The following GRIK3 variants were observed in gnomAD, a reference collection of about 807,000 sequenced individuals.
The protein encoded by GRIK3 is glutamate ionotropic receptor kainate type subunit 3.
Under a neutral mutation model 102.5 loss-of-function variants are expected in GRIK3, and 29 were observed. That is an observed-to-expected ratio of 0.28 (90% CI 0.21 to 0.39). The LOEUF (loss-of-function observed/expected upper bound fraction) is 0.39. Ranked by LOEUF, GRIK3 falls within the 10% of genes least tolerant of loss-of-function variation. The pLI is 1.00. For synonymous variants in GRIK3, 511 were observed against 504.9 expected, an observed-to-expected ratio of 1.01 and a Z score of -0.16; for missense variants, 908 against 1,252.4, an observed-to-expected ratio of 0.73 and a Z score of 4.15.
intron 1 of GRIK3, among the ~76,000 whole-genome samples, chr1:36,963,539 C>T (rs187198747): frequency 6.6e-6 from 1 of 152,304 alleles, no homozygotes; most frequent in African/African-American, 2.4e-5. Context: ...AGCCGCATGC[C>T]ATTACTCGCT....
intron 1 of GRIK3, among the ~76,000 whole-genome samples, chr1:36,993,484 A>C (rs1464698169): frequency 6.6e-6 from 1 of 152,180 alleles, no homozygotes; most frequent in African/African-American, 2.4e-5. Flanking sequence ...GCCCATTTTC[A>C]ATAAAGCAGG....
chr1:36,840,267 C>T (rs1640430735), intron 10 of GRIK3, among the ~76,000 whole-genome samples: 1 of 152,100 alleles, frequency 6.6e-6, no homozygotes. Context: ...TCCTTGAATT[C>T]AGCAGCAGCT....
chr1:36,936,830 G>A (rs1447287928), intron 1 of GRIK3, among the ~76,000 whole-genome samples: 1 of 151,892 alleles, frequency 6.6e-6, no homozygotes. Context: ...TTTTCTGATG[G>A]AACATTGGGA....
chr1:37,006,319 C>G (rs180690411), intron 1 of GRIK3, among the ~76,000 whole-genome samples: 2 of 152,210 alleles, frequency 1.3e-5, no homozygotes, highest in African/African-American at 2.4e-5. Flanking sequence ...ACCTCGATAA[C>G]GCAACGAGGG....
At position 37,032,273 on chromosome 1, in the gene GRIK3, T is replaced by C. The variant is rs141589671; in HGVS notation, c.115+1721A>G. ...TTACGGTAGCCTGTCCTTCTGGGCC[T>C]CCAAAGACTTCCATCCCTGAGGCTG... On this transcript the variant is annotated intron_variant, in intron 1 of 15. Coordinates refer to ENST00000373091, the MANE Select transcript of GRIK3 (RefSeq NM_000831.4). Among the ~76,000 whole-genome samples, 419 of 152,226 alleles carry C rather than the reference T, an allele frequency of 2.8e-3. 2 individuals carry two copies. The highest frequency in any genetic ancestry group is 9.6e-3 in the African/African-American group (397 of 41,538).
intron 1 of GRIK3, among the ~76,000 whole-genome samples, chr1:36,969,375 G>A (rs1461656783): frequency 6.6e-6 from 1 of 152,222 alleles, no homozygotes; most frequent in African/African-American, 2.4e-5. Context: ...TGGGAGCAGA[G>A]TTAGATTTGG....
At chr1:36,842,076 G>T in intron 9 of GRIK3, 137 bp from the exon 10 acceptor site, 1 of 712,602 alleles carries the variant, frequency 1.4e-6, no homozygotes, top group Non-Finnish European at 2.4e-6. Flanking sequence ...AAGGGCCCGT[G>T]AAGTCAGGAG....
At chr1:36,940,458 AACCCACTTTCATTT>A (rs1641706673) in intron 1 of GRIK3, among the ~76,000 whole-genome samples, 1 of 152,226 alleles carries the variant, frequency 6.6e-6, no homozygotes, top group Non-Finnish European at 1.5e-5. Context: ...TTACTAATAC[AACCCACTTTCATTT>A]ACCCACTTTA....
intron 1 of GRIK3, among the ~76,000 whole-genome samples, chr1:36,921,815 G>A (rs1404677248): frequency 6.6e-6 from 1 of 152,034 alleles, no homozygotes; most frequent in Non-Finnish European, 1.5e-5. Context: ...AGTTTCCACT[G>A]AGGACCTGGC....
At chr1:36,810,756 G>A (rs1483000757) in intron 13 of GRIK3, among the ~76,000 whole-genome samples, 1 of 152,208 alleles carries the variant, frequency 6.6e-6, no homozygotes, top group African/African-American at 2.4e-5. Flanking sequence ...CTGGATCCAT[G>A]GATTTGAGCA....
At chr1:36,868,048 C>T (rs367646204) in intron 5 of GRIK3, among the ~76,000 whole-genome samples, 1 of 152,238 alleles carries the variant, frequency 6.6e-6, no homozygotes, top group South Asian at 2.1e-4. Context: ...GGGTCAAGAT[C>T]GAAGGTCTTA....
intron 1 of GRIK3, among the ~76,000 whole-genome samples, chr1:36,909,181 A>G (rs1299064692): frequency 6.6e-6 from 1 of 152,186 alleles, no homozygotes; most frequent in Non-Finnish European, 1.5e-5. Flanking sequence ...TCAGGAGCCA[A>G]TTGTTAAATT....
At chr1:36,957,123 C>T (rs74754487) in intron 1 of GRIK3, among the ~76,000 whole-genome samples, 5,292 of 152,350 alleles carry the variant, frequency 0.035, 299 homozygotes, top group African/African-American at 0.12. Context: ...GGGCTGAGTC[C>T]TGAACCCTCA....
chr1:36,972,158 C>T (rs950132230), intron 1 of GRIK3, among the ~76,000 whole-genome samples: 5 of 152,234 alleles, frequency 3.3e-5, no homozygotes, highest in African/African-American at 7.2e-5. Context: ...GGCTCCGCCA[C>T]GTGCTCCGCA....
intron 1 of GRIK3, among the ~76,000 whole-genome samples, chr1:36,965,467 G>A (rs1642068911): frequency 6.6e-6 from 1 of 152,176 alleles, no homozygotes; most frequent in South Asian, 2.1e-4. Context: ...TGGATTCTCT[G>A]GAGCTCACAT....
In GRIK3 at chr1:36,797,007, C is replaced by A. The variant is rs1642371771; in HGVS notation, c.*4844G>T. The A allele has an allele frequency of 6.6e-6, 1 of 152,230 alleles. No individual in the cohort carries two copies. The highest frequency in any genetic ancestry group is 2.1e-4 in the South Asian group (1 of 4,832). 9.4% of individuals were successfully genotyped at this position (152,230 alleles called of 1,614,324 possible). A position where few individuals can be genotyped will look rare whatever the true frequency, so the allele number is the denominator to read the frequency against. Reference sequence around the variant, plus strand: ...CTCGGATGGAGATGAGGTCCGTTGGCCATTCCTGCCCCTCCCACAGGAGGC... The same window carrying A: ...CTCGGATGGAGATGAGGTCCGTTGGACATTCCTGCCCCTCCCACAGGAGGC... On this transcript the variant is annotated 3_prime_UTR_variant, in exon 16 of 16. Transcript: ENST00000373091.
Position 36,796,787 on chromosome 1 carries a change from T to A in GRIK3, c.*5064A>T, listed in dbSNP as rs2124167224. 2 of 152,302 alleles carry A rather than the reference T, an allele frequency of 1.3e-5. No individual in the cohort carries two copies. Among genetic ancestry groups the A allele is most frequent in the South Asian group, 4.1e-4 (2 of 4,820 alleles). The allele number at this position is 152,302 out of a possible 1,614,324, so 9.4% of individuals were successfully genotyped here. A position where few individuals can be genotyped will look rare whatever the true frequency, so the allele number is the denominator to read the frequency against. ...TAGAATAGCCCCGCCTTCTAGGGTA[T>A]CCTAGATGGAGCCTGAAACCTACCT... is the stretch of plus-strand genomic sequence containing the variant. On this transcript the variant is annotated 3_prime_UTR_variant, in exon 16 of 16. Coordinates refer to ENST00000373091, the MANE Select transcript of GRIK3 (RefSeq NM_000831.4).
intron 2 of GRIK3, among the ~76,000 whole-genome samples, chr1:36,886,888 A>G (rs3856134): frequency 0.021 from 3,246 of 152,254 alleles, 122 homozygotes; most frequent in East Asian, 0.12. Context: ...ACTCAATACT[A>G]TATCTGTGAG....
intron 1 of GRIK3, among the ~76,000 whole-genome samples, chr1:36,946,263 C>T (rs150102488): frequency 5.4e-4 from 82 of 152,378 alleles, no homozygotes; most frequent in African/African-American, 1.9e-3. Flanking sequence ...AGATGGGACA[C>T]CTGGGACACC....
Sources: gnomAD v4.1 joint callset for allele counts (sites outside exome capture counted in the v4.1 genomes callset) on GRCh38, gnomAD v4.1.1 for gene constraint, MANE v1.5 for transcripts, NCBI Gene and HGNC (gene_info 2026-07-23, HGNC 2026-07-21) for gene names.